GULP1: variants seen among roughly 807,000 people sequenced by gnomAD.
GULP1 encodes the protein GULP PTB domain containing engulfment adaptor 1, also known as PTB domain-containing engulfment adapter protein 1.
In GULP1, 19 loss-of-function variants were observed where a neutral mutation model predicts 40.9. The ratio of observed to expected loss-of-function variants is 0.46; its 90% CI spans 0.32 to 0.68. The LOEUF is 0.68. GULP1 is among the 30% of genes least tolerant of loss of function. The probability of loss-of-function intolerance (pLI) is 0.03; values close to 1 mark genes in which losing one functional copy is unlikely to be tolerated. For missense variants in GULP1, 312 were observed against 362.2 expected, an observed-to-expected ratio of 0.86 and a Z score of 1.12; for synonymous variants, 119 against 117.6, an observed-to-expected ratio of 1.01 and a Z score of -0.08.
chr2:188,343,316 A>G (rs1355832766), intron 1 of GULP1, among the ~76,000 whole-genome samples: 1 of 152,200 alleles, frequency 6.6e-6, no homozygotes, highest in East Asian at 1.9e-4. Flanking sequence ...ACCAAGAAGG[A>G]TAGGTGATCT....
chr2:188,400,152 A>AG (rs2052011513), intron 2 of GULP1, among the ~76,000 whole-genome samples: 1 of 151,966 alleles, frequency 6.6e-6, no homozygotes, highest in Non-Finnish European at 1.5e-5. Flanking sequence ...TTTTTTTTCC[A>AG]GCTTCTAGTG....
At chr2:188,395,838 G>A (rs113033107) in intron 2 of GULP1, among the ~76,000 whole-genome samples, 43 of 152,282 alleles carry the variant, frequency 2.8e-4, no homozygotes, top group African/African-American at 9.9e-4. Context: ...CCAGAAGCAG[G>A]TACTAGTGCC....
intron 1 of GULP1, among the ~76,000 whole-genome samples, chr2:188,375,783 G>A (rs187973952): frequency 6.6e-6 from 1 of 152,066 alleles, no homozygotes; most frequent in Admixed American, 6.6e-5. Flanking sequence ...GGAAGGCAGG[G>A]GCTTAAAATA....
chr2:188,380,738 A>G (rs2048911431), intron 1 of GULP1, among the ~76,000 whole-genome samples: 1 of 152,206 alleles, frequency 6.6e-6, no homozygotes, highest in Admixed American at 6.5e-5. Flanking sequence ...ATATTTTAAG[A>G]TCATGATAAT....
chr2:188,416,023 A>G (rs1373048419), intron 2 of GULP1, among the ~76,000 whole-genome samples: 2 of 152,200 alleles, frequency 1.3e-5, no homozygotes, highest in Non-Finnish European at 2.9e-5. Context: ...TTAACCAATG[A>G]AAAGAGAAGG....
chr2:188,345,495 C>T (rs1031013708), intron 1 of GULP1, among the ~76,000 whole-genome samples: 3 of 152,084 alleles, frequency 2.0e-5, no homozygotes, highest in Non-Finnish European at 4.4e-5. Context: ...TAACCATGGT[C>T]AAGTGCTGAA....
chr2:188,313,047 A>C (rs554277614), intron 1 of GULP1, among the ~76,000 whole-genome samples: 1 of 152,136 alleles, frequency 6.6e-6, no homozygotes, highest in African/African-American at 2.4e-5. Context: ...GGATGGCAAA[A>C]ATTTTCTCCC....
intron 1 of GULP1, among the ~76,000 whole-genome samples, chr2:188,323,990 C>T (rs964164736): frequency 7.2e-5 from 11 of 151,930 alleles, no homozygotes; most frequent in African/African-American, 2.7e-4. Context: ...ATAATTGTGT[C>T]ATATAGTTAG....
At chr2:188,411,696 T>C (rs2053910147) in intron 2 of GULP1, among the ~76,000 whole-genome samples, 1 of 152,230 alleles carries the variant, frequency 6.6e-6, no homozygotes, top group Non-Finnish European at 1.5e-5. Context: ...TTTTCAATCA[T>C]GTTTCTTGCA....
At chr2:188,523,139 T>C (rs538722851) in intron 5 of GULP1, among the ~76,000 whole-genome samples, 5 of 152,214 alleles carry the variant, frequency 3.3e-5, no homozygotes, top group Admixed American at 6.5e-5. Context: ...TTGGATAATG[T>C]GAACCTATGT....
At chr2:188,563,925 C>A (rs1034006362) in intron 7 of GULP1, among the ~76,000 whole-genome samples, 7 of 151,818 alleles carry the variant, frequency 4.6e-5, no homozygotes, top group Admixed American at 2.6e-4. Flanking sequence ...ATAGATAGTA[C>A]ATTATTACCA....
chr2:188,425,121 T>C (rs1367318803), intron 2 of GULP1, among the ~76,000 whole-genome samples: 1 of 152,072 alleles, frequency 6.6e-6, no homozygotes, highest in East Asian at 1.9e-4. Flanking sequence ...ACAGAATACT[T>C]CTAAAAAACA....
At chr2:188,517,319 T>C (rs1265778039) in intron 4 of GULP1, among the ~76,000 whole-genome samples, 1 of 152,178 alleles carries the variant, frequency 6.6e-6, no homozygotes, top group East Asian at 1.9e-4. Flanking sequence ...TATTTTTTAA[T>C]ATTATCATTT....
chr2:188,573,169 T>C (rs1294233445), intron 9 of GULP1, among the ~76,000 whole-genome samples: 2 of 152,166 alleles, frequency 1.3e-5, no homozygotes, highest in African/African-American at 4.8e-5. Context: ...TTAAAAAACA[T>C]TGTTACAGCA....
At chr2:188,519,023 TTAATC>T (rs1298844828) in intron 4 of GULP1, among the ~76,000 whole-genome samples, 1 of 152,144 alleles carries the variant, frequency 6.6e-6, no homozygotes, top group Non-Finnish European at 1.5e-5. Context: ...TATGAATTAT[TTAATC>T]TATATATCAT....
intron 4 of GULP1, among the ~76,000 whole-genome samples, chr2:188,485,146 AT>A: frequency 6.6e-6 from 1 of 152,240 alleles, no homozygotes; most frequent in South Asian, 2.1e-4. Context: ...AACCATTAAT[AT>A]TTTTATGTGA....
intron 7 of GULP1, 31 bp from the exon 8 acceptor site, chr2:188,569,208 A>G (rs181846865): frequency 9.2e-7 from 1 of 1,084,114 alleles, no homozygotes; most frequent in East Asian, 2.4e-5. Context: ...CATATTATTA[A>G]AATGCAAATC....
chr2:188,423,524 AT>A (rs1167318292), intron 2 of GULP1, among the ~76,000 whole-genome samples: 2 of 151,852 alleles, frequency 1.3e-5, no homozygotes, highest in African/African-American at 4.8e-5. Context: ...ATTCAATTGC[AT>A]TTTAAGAGTA....
At chr2:188,556,340 C>G (rs1031638426) in intron 7 of GULP1, among the ~76,000 whole-genome samples, 3 of 152,042 alleles carry the variant, frequency 2.0e-5, no homozygotes, top group African/African-American at 4.8e-5. Context: ...TCGAAGATAT[C>G]ATTATGTTAC....
Sources: allele counts gnomAD v4.1 joint callset (sites outside exome capture counted in the v4.1 genomes callset), GRCh38; gene constraint gnomAD v4.1.1; transcripts MANE v1.5; gene names NCBI Gene and HGNC (gene_info 2026-07-23, HGNC 2026-07-21).